VAC14: variants seen among roughly 807,000 people sequenced by gnomAD.
The protein encoded by VAC14 is VAC14 component of PIKFYVE complex.
VAC14 carries 47 observed loss-of-function variants against 85.3 expected under a neutral mutation model. The ratio of observed to expected loss-of-function variants is 0.55; its 90% CI spans 0.44 to 0.70. The LOEUF is 0.70. Ranked by LOEUF, VAC14 falls within the 30% of genes least tolerant of loss-of-function variation. The probability of loss-of-function intolerance (pLI) is 0.00; values close to 1 mark genes in which losing one functional copy is unlikely to be tolerated. For missense variants in VAC14, 861 were observed against 1,004.3 expected (o/e 0.86, Z 1.93); for synonymous variants, 447 against 430.5 (o/e 1.04, Z -0.47).
Position 70,762,647 on chromosome 16 carries a change from C to A in VAC14, c.1306-42G>T, listed in dbSNP as rs112783419. 6.2e-7 allele frequency: 1 copy of A among 1,602,072 alleles called. No homozygotes were observed. Among genetic ancestry groups the A allele is most frequent in the South Asian group, 1.1e-5 (1 of 90,336 alleles). On this transcript the variant is annotated intron_variant, in intron 11 of 18. Transcript: ENST00000261776. The surrounding 1 kb of genome is among the most constrained non-coding windows in gnomAD (Gnocchi z 4.1). ...CAGGGGTGCCCGTGAGTGCTCCCTT[C>A]GCCCCGGGACTACGTGCAGTGCAGT...
intron 9 of VAC14, among the ~76,000 whole-genome samples, chr16:70,776,684 C>T (rs536537782): frequency 6.6e-6 from 1 of 152,138 alleles, no homozygotes; most frequent in Admixed American, 6.6e-5. Context: ...TGTACCTCAG[C>T]AAACTGAGTA....
chr16:70,718,589 A>AC (rs1310954598), intron 14 of VAC14, among the ~76,000 whole-genome samples: 16 of 150,658 alleles, frequency 1.1e-4, no homozygotes, highest in Non-Finnish European at 7.4e-5. Context: ...AAAAAAAAAC[A>AC]AAAAAACAAA....
chr16:70,691,581 G>A, intron 18 of VAC14: 1 of 985,506 alleles, frequency 1.0e-6, no homozygotes, highest in Non-Finnish European at 1.2e-6. Context: ...CTGTCTTCTG[G>A]GGACCACCTG....
intron 9 of VAC14, among the ~76,000 whole-genome samples, chr16:70,776,817 G>GT (rs777631640): frequency 0.046 from 6,494 of 140,596 alleles, 442 homozygotes; most frequent in African/African-American, 0.15. Context: ...ATTCTACCAG[G>GT]TTTTTTTTTT....
chr16:70,753,219 C>A (rs1011650823), intron 12 of VAC14, among the ~76,000 whole-genome samples: 1 of 152,178 alleles, frequency 6.6e-6, no homozygotes, highest in African/African-American at 2.4e-5. Context: ...AGGGGCAGAG[C>A]ACAGGGTGTG....
rs558194437 is a variant in VAC14 at position 70,773,913 on chromosome 16, G to A, written c.1097-1741C>T. 2.0e-5 allele frequency among the ~76,000 whole-genome samples: 3 copies of A among 151,766 alleles called. No homozygotes were observed. The East Asian group carries it at 5.8e-4, about 29-fold the overall frequency. ...CCAGGGTAGCTGGGACTATAGGCAC[G>A]TACCATTAAGCCCGGATAATTTTTT... On this transcript the variant is annotated intron_variant, in intron 9 of 18. Coordinates refer to ENST00000261776, the MANE Select transcript of VAC14 (RefSeq NM_018052.5).
At position 70,783,550 on chromosome 16, in the gene VAC14, A is replaced by G; in HGVS notation, c.599T>C (p.Leu200Pro). Residue 200 changes from leucine (L) to proline (P), a missense_variant, in exon 6 of 19, where the codon CTG becomes CCG. By Grantham distance (98) the Leu-to-Pro change is moderately conservative (BLOSUM62 -3). This residue lies in a region of VAC14 where 629 missense variants were observed against 703.1 expected (regional missense o/e 0.89). Transcript: ENST00000261776. ...YARQFIISWI[L>P]VLESVPDINL... ...AATGTCTGGCACCGACTCCAGAACC[A>G]GGATCTGACCAGGGGAAGGGAACAG... The G allele has an allele frequency of 6.2e-7, 1 of 1,613,654 alleles. No homozygotes were observed. Among genetic ancestry groups the G allele is most frequent in the South Asian group, 1.1e-5 (1 of 91,082 alleles).
rs2305690 is a variant in VAC14, at chr16:70,762,632, C to T, written c.1306-27G>A. ...TGGAGGGCAGAGAAGCAGGGGTGCC[C>T]GTGAGTGCTCCCTTCGCCCCGGGAC... On this transcript the variant is annotated intron_variant, in intron 11 of 18. Coordinates refer to ENST00000261776, the MANE Select transcript of VAC14 (RefSeq NM_018052.5). This position sits in a 1 kb window ranked among gnomAD's most constrained non-coding sequence, Gnocchi z 4.1. 1,010,692 of 1,609,798 alleles carry T rather than the reference C, an allele frequency of 0.63. 320,071 individuals are homozygous for T. The highest frequency in any genetic ancestry group is 0.77 in the Admixed American group (46,162 of 59,680).
intron 1 of VAC14, among the ~76,000 whole-genome samples, chr16:70,789,745 G>C (rs570722906): frequency 6.6e-6 from 1 of 152,306 alleles, no homozygotes; most frequent in East Asian, 1.9e-4. Flanking sequence ...TCTAGAACCT[G>C]GTCTCCTTGT....
chr16:70,721,161 G>C (rs553331525), intron 14 of VAC14, among the ~76,000 whole-genome samples: 11 of 152,316 alleles, frequency 7.2e-5, no homozygotes, highest in African/African-American at 2.2e-4. Flanking sequence ...AGAGTATGCC[G>C]GCTACAGACC....
intron 14 of VAC14, among the ~76,000 whole-genome samples, chr16:70,704,876 C>A (rs1449617576): frequency 6.6e-6 from 1 of 152,196 alleles, no homozygotes; most frequent in Non-Finnish European, 1.5e-5. Flanking sequence ...CCCTGCCGTG[C>A]TCCGCCCTAG....
In VAC14 at chr16:70,755,421, C is replaced by A. The variant is rs188094711; in HGVS notation, c.1371+7119G>T. Among the ~76,000 whole-genome samples the A allele has an allele frequency of 1.9e-4, 29 of 152,344 alleles. 1 individual carries two copies. Among genetic ancestry groups the A allele is most frequent in the Admixed American group, 1.8e-3 (28 of 15,308 alleles). ...GGGCCTGGATAAGGCAGTGCCTCCACCCTGGGCCGGGTCCCTGCTCTGCAG... is the reference window on the plus strand; with the variant it reads ...GGGCCTGGATAAGGCAGTGCCTCCAACCTGGGCCGGGTCCCTGCTCTGCAG... On this transcript the variant is annotated intron_variant, in intron 12 of 18. Transcript: ENST00000261776.
intron 16 of VAC14, chr16:70,695,859 C>A (rs2053695827): frequency 2.3e-6 from 1 of 442,352 alleles, no homozygotes; most frequent in Non-Finnish European, 4.1e-6. Flanking sequence ...TCCTCTGCAC[C>A]CTCCCGGGCT....
rs2032524181 is a variant in VAC14 at position 70,762,987 on chromosome 16, A to G, written c.1199T>C (p.Ile400Thr). The G allele has an allele frequency of 6.2e-7, 1 of 1,614,076 alleles. No individual in the cohort carries two copies. Among genetic ancestry groups the G allele is most frequent in the African/African-American group, 1.3e-5 (1 of 74,924 alleles). Reference protein sequence around the residue: ...RAPVTLHLDGIVQVLNCHLSD... With the variant: ...RAPVTLHLDGTVQVLNCHLSD... ...GAGGTGGCAGTTTAGGACCTGCACGATCCCGTCGAGGTGAAGGGTCACTGG... is the reference window on the plus strand; with the variant it reads ...GAGGTGGCAGTTTAGGACCTGCACGGTCCCGTCGAGGTGAAGGGTCACTGG... The change falls in exon 11 of 19, where the codon ATC becomes ACC. Residue 400 changes from isoleucine (I) to threonine (T), a missense_variant. Transcript: ENST00000261776. The surrounding 1 kb of genome is among the most constrained non-coding windows in gnomAD (Gnocchi z 4.1).
chr16:70,789,184 C>T (rs531301386), intron 1 of VAC14, among the ~76,000 whole-genome samples: 2 of 152,214 alleles, frequency 1.3e-5, no homozygotes, highest in African/African-American at 2.4e-5. Flanking sequence ...CAGTTTAACA[C>T]AAGACTAAAC....
intron 14 of VAC14, among the ~76,000 whole-genome samples, chr16:70,709,518 C>A (rs2053985822): frequency 6.6e-6 from 1 of 152,282 alleles, no homozygotes; most frequent in South Asian, 2.1e-4. Context: ...CCACACCTGG[C>A]TGGGATGGTG....
intron 4 of VAC14, 135 bp from the exon 5 acceptor site, chr16:70,784,355 A>G (rs995872304): frequency 1.5e-6 from 1 of 676,774 alleles, no homozygotes; most frequent in African/African-American, 1.8e-5. Context: ...GCTAGGCATA[A>G]GAGGTCTCTG....
At position 70,724,490 on chromosome 16, in the gene VAC14, C is replaced by T. The variant is rs796292302; in HGVS notation, c.1661+7005G>A. ...TTTGCACCTCACAAGGTCATCTTTTCACCTGGGAAGGCAGCACTCTTTTTC... is the reference window on the plus strand; with the variant it reads ...TTTGCACCTCACAAGGTCATCTTTTTACCTGGGAAGGCAGCACTCTTTTTC... On this transcript the variant is annotated intron_variant, in intron 14 of 18. Transcript: ENST00000261776. 2.2e-4 allele frequency among the ~76,000 whole-genome samples: 34 copies of T among 152,332 alleles called. 1 individual carries two copies. Among genetic ancestry groups the T allele is most frequent in the African/African-American group, 7.5e-4 (31 of 41,588 alleles).
At chr16:70,689,069 G>T (rs770370203) in intron 18 of VAC14, 13 of 985,530 alleles carry the variant, frequency 1.3e-5, no homozygotes, top group Non-Finnish European at 1.6e-5. Context: ...CGGCGGGGCC[G>T]GGAAGGGGGG....
Sources: gnomAD v4.1 joint callset for allele counts (sites outside exome capture counted in the v4.1 genomes callset) on GRCh38, gnomAD v4.1.1 for gene constraint, gnomAD v4.1.1 regional missense constraint, Gnocchi (gnomAD v3.1) non-coding constraint, MANE v1.5 for transcripts, NCBI Gene and HGNC (gene_info 2026-07-23, HGNC 2026-07-21) for gene names.